Variants in DGKB observed in about 807,000 individuals in gnomAD.
The protein encoded by DGKB is 90 kDa diacylglycerol kinase.
Under a neutral mutation model 114.3 loss-of-function variants are expected in DGKB, and 67 were observed. That is an observed-to-expected ratio of 0.59 (90% confidence interval 0.48 to 0.72). DGKB has a LOEUF of 0.72. Among genes scored for constraint, DGKB ranks in the 30% least tolerant of loss-of-function variants. The pLI, the probability that DGKB is intolerant of heterozygous loss-of-function variation, is 0.00. For synonymous variants in DGKB, 398 were observed against 323.1 expected (o/e 1.23, Z -2.49); for missense variants, 907 against 975.2 (o/e 0.93, Z 0.93).
chr7:14,180,345 C>T (rs927523033), intron 23 of DGKB, among the ~76,000 whole-genome samples: 1 of 152,152 alleles, frequency 6.6e-6, no homozygotes, highest in Non-Finnish European at 1.5e-5. Flanking sequence ...TACACCCACA[C>T]CATATTGCTA....
intron 4 of DGKB, among the ~76,000 whole-genome samples, chr7:14,743,008 T>G (rs1018680169): frequency 1.1e-4 from 17 of 152,196 alleles, no homozygotes; most frequent in Admixed American, 1.1e-3. Flanking sequence ...ATATTATATG[T>G]TTTTTTCTGT....
chr7:14,807,357 AGAAT>A (rs1562587676), intron 2 of DGKB, among the ~76,000 whole-genome samples: 1 of 148,898 alleles, frequency 6.7e-6, no homozygotes, highest in Non-Finnish European at 1.5e-5. Flanking sequence ...TAATAAATAA[AGAAT>A]GAATAAATAC....
intron 23 of DGKB, among the ~76,000 whole-genome samples, chr7:14,245,476 C>G (rs1230416221): frequency 2.6e-5 from 4 of 152,056 alleles, no homozygotes; most frequent in Non-Finnish European, 4.4e-5. Context: ...TAGATTCTAG[C>G]CAAGAGGTAT....
At chr7:14,649,545 C>G (rs981091601) in intron 13 of DGKB, among the ~76,000 whole-genome samples, 6 of 152,102 alleles carry the variant, frequency 3.9e-5, no homozygotes, top group Non-Finnish European at 8.8e-5. Context: ...AAAATCATGA[C>G]AAAATGTAAA....
chr7:14,348,139 A>T (rs2128599367), intron 21 of DGKB, among the ~76,000 whole-genome samples: 1 of 152,016 alleles, frequency 6.6e-6, no homozygotes, highest in Admixed American at 6.6e-5. Context: ...TTGCTCTTTT[A>T]TAACCACCCC....
chr7:14,248,106 T>C (rs1348663198), intron 23 of DGKB, among the ~76,000 whole-genome samples: 1 of 152,130 alleles, frequency 6.6e-6, no homozygotes, highest in African/African-American at 2.4e-5. Flanking sequence ...TTGAGGAGAC[T>C]ATGATTTCCT....
chr7:14,680,510 T>C (rs1820640325), intron 12 of DGKB, among the ~76,000 whole-genome samples: 1 of 151,898 alleles, frequency 6.6e-6, no homozygotes, highest in Admixed American at 6.6e-5. Flanking sequence ...AACTTGTGAA[T>C]GGTAGGGCTA....
intron 25 of DGKB, among the ~76,000 whole-genome samples, chr7:14,163,343 C>CA (rs1197093698): frequency 1.3e-5 from 2 of 151,612 alleles, no homozygotes; most frequent in African/African-American, 2.4e-5. Flanking sequence ...TTGTCAATTA[C>CA]AAAAAACAAC....
Position 14,635,904 on chromosome 7 carries a change from C to T in DGKB, c.1135-5636G>A, listed in dbSNP as rs1332141837. Among the ~76,000 whole-genome samples, 5 of 151,568 alleles carry T rather than the reference C, an allele frequency of 3.3e-5. No homozygotes were observed. The South Asian group carries it at 8.3e-4, about 25-fold the overall frequency. ...TAGAAATATATCATTGTATAGTTAG[C>T]GTATTGCTGCTTTCCAGAATACAAA... On this transcript the variant is annotated intron_variant, in intron 13 of 25. Transcript: ENST00000402815.
At chr7:14,364,605 G>C (rs1816333355) in intron 21 of DGKB, among the ~76,000 whole-genome samples, 1 of 151,946 alleles carries the variant, frequency 6.6e-6, no homozygotes, top group South Asian at 2.1e-4. Flanking sequence ...TAAGCTACTA[G>C]ACTTTTTCTA....
chr7:14,329,930 C>G (rs906014710), intron 23 of DGKB, among the ~76,000 whole-genome samples: 1 of 151,988 alleles, frequency 6.6e-6, no homozygotes, highest in East Asian at 1.9e-4. Context: ...CAGCTTTACT[C>G]TAGGTAGGTG....
chr7:14,844,974 G>A (rs188387918), intron 1 of DGKB, among the ~76,000 whole-genome samples: 2 of 151,920 alleles, frequency 1.3e-5, no homozygotes, highest in Non-Finnish European at 2.9e-5. Context: ...GGGCATGGTA[G>A]CATGTGCCTG....
At position 14,706,396 on chromosome 7, in the gene DGKB, A is replaced by G. The variant is rs1352254519; in HGVS notation, c.467-4666T>C. Among the ~76,000 whole-genome samples, 21 of 146,968 alleles carry G rather than the reference A, an allele frequency of 1.4e-4. No homozygotes were observed. The South Asian group carries it at 3.5e-3, about 25-fold the overall frequency. The stretch of plus-strand genomic sequence containing the variant: ...ACTTTAACACCCCACTGTCAACATT[A>G]GACAGATCAACGAGACAGAAAGTCA... On this transcript the variant is annotated intron_variant, in intron 6 of 25. Transcript: ENST00000402815.
At chr7:14,322,317 TAC>T (rs1213201290) in intron 23 of DGKB, among the ~76,000 whole-genome samples, 39 of 152,198 alleles carry the variant, frequency 2.6e-4, no homozygotes, top group African/African-American at 9.4e-4. Flanking sequence ...TACTGTGGAA[TAC>T]AGTGTTCAGA....
At chr7:14,903,282 A>C (rs2128240275), upstream of DGKB, 1 of 149,310 alleles carries the variant, frequency 6.7e-6, no homozygotes, top group South Asian at 2.2e-4. Flanking sequence ...GCGCGGCTGC[A>C]AGCACCAGCC....
chr7:14,537,559 G>A (rs1043303013), intron 20 of DGKB, among the ~76,000 whole-genome samples: 1 of 152,090 alleles, frequency 6.6e-6, no homozygotes, highest in Non-Finnish European at 1.5e-5. Context: ...TCAATACATG[G>A]TGTTTGTAAA....
At chr7:14,523,850 A>T (rs932924646) in intron 20 of DGKB, among the ~76,000 whole-genome samples, 5 of 152,152 alleles carry the variant, frequency 3.3e-5, no homozygotes, top group African/African-American at 1.2e-4. Flanking sequence ...TAGCTATGTG[A>T]TTTAATGTTA....
At chr7:14,377,229 T>C (rs1376056295) in intron 21 of DGKB, among the ~76,000 whole-genome samples, 1 of 152,154 alleles carries the variant, frequency 6.6e-6, no homozygotes, top group Non-Finnish European at 1.5e-5. Context: ...GGGACAAAAA[T>C]AGGGCTGAGC....
chr7:14,682,799 G>T lies in DGKB; in HGVS notation c.872C>A (p.Pro291His), dbSNP rs2128970292. 1 of 1,606,336 alleles carries T rather than the reference G, an allele frequency of 6.2e-7. No individual in the cohort carries two copies. Among genetic ancestry groups the T allele is most frequent in the East Asian group, 2.2e-5 (1 of 44,598 alleles). The change falls in exon 11 of 26, where the codon CCT becomes CAT. Residue 291 changes from proline to histidine, a missense_variant. By Grantham distance (77) the Pro-to-His change is moderately conservative. Transcript: ENST00000402815. The stretch of plus-strand genomic sequence containing the variant: ...CACATAGGTCTTGATGCAAGAGGGA[G>T]GTGCTCGAGCCACACAGCGCTCATG... ...TVHERCVARA[P>H]PSCIKTYVKS...
Sources: gnomAD v4.1 joint callset for allele counts (sites outside exome capture counted in the v4.1 genomes callset) on GRCh38, gnomAD v4.1.1 for gene constraint, MANE v1.5 for transcripts, NCBI Gene and HGNC (gene_info 2026-07-23, HGNC 2026-07-21) for gene names.